Variants in OPRM1 observed in about 807,000 individuals in gnomAD.
OPRM1 encodes the protein opioid receptor mu 1.
Under a neutral mutation model 31.8 loss-of-function variants are expected in OPRM1, and 27 were observed. The ratio of observed to expected loss-of-function variants is 0.85; its 90% CI spans 0.63 to 1.17. OPRM1 has a LOEUF of 1.17. OPRM1 is among the 50% of genes most tolerant of loss of function. OPRM1 has a pLI of 0.00. For missense variants in OPRM1, 536 were observed against 511.1 expected, an observed-to-expected ratio of 1.05 and a Z score of -0.47; for synonymous variants, 196 against 189.9, an observed-to-expected ratio of 1.03 and a Z score of -0.26.
intron 1 of OPRM1, among the ~76,000 whole-genome samples, chr6:154,048,747 A>T (rs1482665420): frequency 2.0e-5 from 3 of 152,244 alleles, no homozygotes; most frequent in African/African-American, 4.8e-5. Flanking sequence ...CCATAGATAC[A>T]TATTAGCAAA....
In OPRM1 at chr6:154,184,557, G is replaced by A. The variant is rs376379184; in HGVS notation, c.1165-62136G>A. On this transcript the variant is annotated intron_variant, in intron 3 of 3. Transcript: ENST00000337049. Reference sequence around the variant, plus strand: ...TATGTGTATGTATATATATATATGCGCATTGGTACATAGAAAAAATACACT... The same window carrying A: ...TATGTGTATGTATATATATATATGCACATTGGTACATAGAAAAAATACACT... 1.7e-3 allele frequency among the ~76,000 whole-genome samples: 259 copies of A among 151,908 alleles called. 1 individual carries two copies. Among genetic ancestry groups the A allele is most frequent in the East Asian group, 3.7e-3 (19 of 5,162 alleles).
Position 154,124,173 on chromosome 6 carries a change from T to A in OPRM1, c.*5452T>A, listed in dbSNP as rs765815596. Among the ~76,000 whole-genome samples the A allele has an allele frequency of 1.3e-5, 2 of 152,202 alleles. No homozygotes were observed. The highest frequency in any genetic ancestry group is 2.9e-5 in the Non-Finnish European group (2 of 68,038). On this transcript the variant is annotated 3_prime_UTR_variant, in exon 4 of 4. Transcript: ENST00000330432. ...TACTTTCCACACAATATTGAATAAA[T>A]GCAGTGTATACATTTTTAAAGGAAT...
intron 3 of OPRM1, among the ~76,000 whole-genome samples, chr6:154,163,702 ATGAATAAATGAATT>A (rs1799205805): frequency 6.6e-6 from 1 of 152,206 alleles, no homozygotes; most frequent in Non-Finnish European, 1.5e-5. Context: ...TAAGAAATAA[ATGAATAAATGAATT>A]ACCAATTTGC....
intron 3 of OPRM1, among the ~76,000 whole-genome samples, chr6:154,228,871 AGAGT>A (rs1431946825): frequency 6.6e-6 from 1 of 152,242 alleles, no homozygotes; most frequent in African/African-American, 2.4e-5. Context: ...CCTGGGCTAC[AGAGT>A]GAGACCCAGT....
At chr6:154,155,927 C>T (rs750861526) in intron 3 of OPRM1, 6 of 152,084 alleles carry the variant, frequency 3.9e-5, no homozygotes, top group Non-Finnish European at 8.8e-5. Flanking sequence ...TTGTTTGTGA[C>T]TGGAGTGCTA....
intron 3 of OPRM1, among the ~76,000 whole-genome samples, chr6:154,146,638 G>A (rs1488238487): frequency 6.6e-6 from 1 of 152,192 alleles, no homozygotes; most frequent in Non-Finnish European, 1.5e-5. Flanking sequence ...AGGGAAAAGA[G>A]CATTTGCATT....
chr6:154,156,025 C>T (rs996220851), intron 3 of OPRM1: 6 of 152,218 alleles, frequency 3.9e-5, no homozygotes, highest in African/African-American at 9.6e-5. Context: ...TGGTCTCTAA[C>T]ATTTGACAGC....
chr6:154,099,851 T>C (rs996792416), intron 3 of OPRM1, among the ~76,000 whole-genome samples: 36 of 144,238 alleles, frequency 2.5e-4, no homozygotes, highest in African/African-American at 4.9e-4. Flanking sequence ...TATATCATAA[T>C]ATATTATATA....
upstream of OPRM1, among the ~76,000 whole-genome samples, chr6:154,037,065 G>T (rs1028720121): frequency 6.6e-6 from 1 of 151,824 alleles, no homozygotes; most frequent in Non-Finnish European, 1.5e-5. Flanking sequence ...TCATGAATTG[G>T]ATCTAACAAG....
intron 3 of OPRM1, among the ~76,000 whole-genome samples, chr6:154,178,384 T>C (rs1008039534): frequency 2.6e-5 from 4 of 152,188 alleles, no homozygotes; most frequent in Non-Finnish European, 2.9e-5. Context: ...TAACATGGCA[T>C]ATAATATATT....
At chr6:154,099,903 A>G (rs1158087905) in intron 3 of OPRM1, among the ~76,000 whole-genome samples, 2 of 144,972 alleles carry the variant, frequency 1.4e-5, no homozygotes, top group African/African-American at 2.5e-5. Flanking sequence ...ATATTATATT[A>G]TGATATATAT....
At chr6:154,092,399 C>G (rs1050893810) in intron 3 of OPRM1, among the ~76,000 whole-genome samples, 8 of 152,060 alleles carry the variant, frequency 5.3e-5, no homozygotes, top group Admixed American at 2.0e-4. Flanking sequence ...AATAATGATG[C>G]CAGCATCCAA....
chr6:154,047,713 ATTTTTGTTTGTTTGT>A (rs1007892051), intron 1 of OPRM1, among the ~76,000 whole-genome samples: 3 of 152,134 alleles, frequency 2.0e-5, no homozygotes, highest in African/African-American at 7.2e-5. Flanking sequence ...GTTAAGTACA[ATTTTTGTTTGTTTGT>A]TTTTTGTTTG....
At chr6:154,111,974 C>T (rs539074308) in intron 3 of OPRM1, among the ~76,000 whole-genome samples, 11 of 152,082 alleles carry the variant, frequency 7.2e-5, no homozygotes, top group Non-Finnish European at 1.3e-4. Context: ...ACTGTGTTAG[C>T]CAGGATGGTC....
At chr6:154,206,539 TAA>T (rs1777510618) in intron 3 of OPRM1, among the ~76,000 whole-genome samples, 1 of 152,174 alleles carries the variant, frequency 6.6e-6, no homozygotes, top group Admixed American at 6.5e-5. Context: ...TTTAAGAATT[TAA>T]TAATTAGAGA....
At chr6:154,067,148 T>C (rs1785595277) in intron 1 of OPRM1, among the ~76,000 whole-genome samples, 1 of 113,088 alleles carries the variant, frequency 8.8e-6, no homozygotes, top group Non-Finnish European at 2.1e-5. Context: ...CTTTCTCTAT[T>C]TTTTTTTAGT....
intron 3 of OPRM1, among the ~76,000 whole-genome samples, chr6:154,167,754 C>T (rs958043154): frequency 6.6e-6 from 1 of 152,176 alleles, no homozygotes; most frequent in Non-Finnish European, 1.5e-5. Flanking sequence ...TGTCCTAGTG[C>T]TTTAAGAACG....
intron 1 of OPRM1, among the ~76,000 whole-genome samples, chr6:154,011,796 T>G (rs1484919936): frequency 6.6e-6 from 1 of 152,190 alleles, no homozygotes; most frequent in African/African-American, 2.4e-5. Flanking sequence ...GATGGACAAC[T>G]AATACAGATG....
chr6:154,037,687 A>C (rs1645838252), upstream of OPRM1, among the ~76,000 whole-genome samples: 1 of 152,162 alleles, frequency 6.6e-6, no homozygotes, highest in African/African-American at 2.4e-5. Flanking sequence ...TTACTATTGC[A>C]ATGTATACTC....
Sources: allele counts gnomAD v4.1 joint callset (sites outside exome capture counted in the v4.1 genomes callset), GRCh38; gene constraint gnomAD v4.1.1; transcripts MANE v1.5; gene names NCBI Gene and HGNC (gene_info 2026-07-23, HGNC 2026-07-21).